RASSF4: variants seen among roughly 807,000 people sequenced by gnomAD.
RASSF4 encodes Ras association domain family member 4, also known as ras association domain-containing protein 4.
RASSF4 carries 38 observed loss-of-function variants against 41.1 expected under a neutral mutation model. That is an observed-to-expected ratio of 0.92 (90% CI 0.71 to 1.21). The LOEUF (loss-of-function observed/expected upper bound fraction) is 1.21. RASSF4 is among the 50% of genes most tolerant of loss of function. The probability of loss-of-function intolerance (pLI) is 0.00; values close to 1 mark genes in which losing one functional copy is unlikely to be tolerated. For synonymous variants in RASSF4, 179 were observed against 163.4 expected, an observed-to-expected ratio of 1.10 and a Z score of -0.73; for missense variants, 414 against 419.4, an observed-to-expected ratio of 0.99 and a Z score of 0.11.
chr10:44,978,434 C>T (rs190279562), intron 3 of RASSF4, among the ~76,000 whole-genome samples: 1 of 152,242 alleles, frequency 6.6e-6, no homozygotes, highest in East Asian at 1.9e-4. Context: ...TACCCCTGGC[C>T]GGGATGTTGT....
At position 44,973,178 on chromosome 10, in the gene RASSF4, C is replaced by T. The variant is rs540818954; in HGVS notation, c.138+1330C>T. ...TCCCTCTCCTGCCATCCCACCTCCT[C>T]ATGCTCACTTCTGTGACACCTGTCT... On this transcript the variant is annotated intron_variant, in intron 3 of 10. Transcript: ENST00000340258. Among the ~76,000 whole-genome samples, 4 of 152,334 alleles carry T rather than the reference C, an allele frequency of 2.6e-5. No homozygotes were observed. In the East Asian group the frequency reaches 5.8e-4, roughly 22 times the overall value.
intron 10 of RASSF4, 112 bp downstream of exon 10, chr10:44,992,114 T>C: frequency 3.0e-6 from 2 of 677,838 alleles, no homozygotes; most frequent in Admixed American, 5.4e-5. Context: ...ACCAGTACCC[T>C]GGTACGGGAA....
chr10:44,961,709 G>A (rs1840718083), intron 1 of RASSF4, among the ~76,000 whole-genome samples: 1 of 152,334 alleles, frequency 6.6e-6, no homozygotes, highest in South Asian at 2.1e-4. Context: ...AGTCATCGAG[G>A]ATTATAGTTA....
At chr10:44,978,177 A>G (rs1270872368) in intron 3 of RASSF4, 8 of 881,172 alleles carry the variant, frequency 9.1e-6, no homozygotes, top group Non-Finnish European at 1.4e-5. Context: ...TTTGAAGTCT[A>G]CAGAGCCCAG....
chr10:44,987,653 C>A (rs1176839792), intron 6 of RASSF4, among the ~76,000 whole-genome samples: 1 of 142,390 alleles, frequency 7.0e-6, no homozygotes, highest in Admixed American at 7.1e-5. Flanking sequence ...GCTGCACCTG[C>A]GGTTTCTGCA....
At chr10:44,962,156 C>G (rs1029302973) in intron 1 of RASSF4, among the ~76,000 whole-genome samples, 1 of 152,142 alleles carries the variant, frequency 6.6e-6, no homozygotes, top group African/African-American at 2.4e-5. Context: ...AAACTGATGC[C>G]CAAGAGACGG....
At chr10:44,987,168 G>C (rs568216615) in intron 6 of RASSF4, among the ~76,000 whole-genome samples, 1 of 152,146 alleles carries the variant, frequency 6.6e-6, no homozygotes, top group Non-Finnish European at 1.5e-5. Context: ...GCAGTGGCAC[G>C]ATCTGGGCTC....
At chr10:44,980,942 C>T (rs1403396456) in intron 3 of RASSF4, 4 of 152,216 alleles carry the variant, frequency 2.6e-5, no homozygotes, top group Admixed American at 6.5e-5. Flanking sequence ...GTATCAAAAA[C>T]AGCTCTGGTT....
At chr10:44,984,257 C>T (rs1841833244) in intron 5 of RASSF4, 144 bp downstream of exon 5, 4 of 770,318 alleles carry the variant, frequency 5.2e-6, no homozygotes, top group Non-Finnish European at 8.1e-6. Flanking sequence ...TACCCAGGTG[C>T]CTGCCTGTGA....
Position 44,985,246 on chromosome 10 carries a change from C to T in RASSF4, c.531+276C>T, listed in dbSNP as rs147307356. ...ACGCTGACCGTGTCTTCAATGAGGG[C>T]GCTTTCTAGGAGGCTTCCCCCCGAA... is the stretch of plus-strand genomic sequence containing the variant. On this transcript the variant is annotated intron_variant, in intron 6 of 10. Coordinates refer to ENST00000340258, the MANE Select transcript of RASSF4 (RefSeq NM_032023.4). 2.4e-3 allele frequency among the ~76,000 whole-genome samples: 366 copies of T among 152,302 alleles called. 1 individual carries two copies. The highest frequency in any genetic ancestry group is 8.4e-3 in the African/African-American group (351 of 41,562).
At chr10:44,979,743 C>T (rs1306952629) in intron 3 of RASSF4, among the ~76,000 whole-genome samples, 1 of 152,104 alleles carries the variant, frequency 6.6e-6, no homozygotes, top group Admixed American at 6.5e-5. Context: ...AGGAGGGGGT[C>T]AGTGGACCTT....
intron 3 of RASSF4, chr10:44,977,858 G>A (rs769711567): frequency 5.6e-6 from 9 of 1,610,110 alleles, no homozygotes; most frequent in South Asian, 1.1e-5. Flanking sequence ...GCCCTGGGCC[G>A]TGGCCTTGTC....
chr10:44,991,237 T>C (rs1219270097), intron 9 of RASSF4, 168 bp downstream of exon 9: 1 of 519,990 alleles, frequency 1.9e-6, no homozygotes. Flanking sequence ...GCCCTCCCTC[T>C]CCCATCAGTG....
chr10:44,973,792 G>C (rs1841282032), intron 3 of RASSF4, among the ~76,000 whole-genome samples: 1 of 152,236 alleles, frequency 6.6e-6, no homozygotes, highest in Admixed American at 6.5e-5. Flanking sequence ...TTTGTGGTTT[G>C]TGTGTGTTGG....
At chr10:44,966,754 G>A (rs549272836) in intron 1 of RASSF4, among the ~76,000 whole-genome samples, 2 of 152,258 alleles carry the variant, frequency 1.3e-5, no homozygotes, top group South Asian at 2.1e-4. Flanking sequence ...AAGAAACCTA[G>A]GTCGAATCCA....
intron 3 of RASSF4, among the ~76,000 whole-genome samples, chr10:44,979,186 GC>G (rs1300780058): frequency 1.3e-5 from 2 of 152,164 alleles, no homozygotes; most frequent in Non-Finnish European, 2.9e-5. Context: ...TGAAAAATCA[GC>G]AGCACAGGAC....
chr10:44,962,682 G>A (rs1295179245), intron 1 of RASSF4, among the ~76,000 whole-genome samples: 1 of 152,184 alleles, frequency 6.6e-6, no homozygotes, highest in African/African-American at 2.4e-5. Flanking sequence ...GAGCACGTTT[G>A]GCCCGAAAAC....
chr10:44,970,033 G>A lies in RASSF4; in HGVS notation c.-38-132G>A, dbSNP rs187485085. 2.7e-3 allele frequency: 1,752 copies of A among 639,754 alleles called. 8 individuals are homozygous for A. The highest frequency in any genetic ancestry group is 2.3e-3 in the Non-Finnish European group (816 of 354,734). 39.6% of individuals were successfully genotyped at this position (639,754 alleles called of 1,614,324 possible). A position where few individuals can be genotyped will look rare whatever the true frequency, so the allele number is the denominator to read the frequency against. On this transcript the variant is annotated intron_variant, in intron 1 of 10. Coordinates refer to ENST00000340258, the MANE Select transcript of RASSF4 (RefSeq NM_032023.4). ...GGGTCTGGGCCAGACCCTTTCAGCC[G>A]CAGCCACCTTGTGCCAAGGCGGTGT...
rs777173020 is a variant in RASSF4, at chr10:44,989,660, G to T, written c.634-10G>T. 5.0e-6 allele frequency: 8 copies of T among 1,614,044 alleles called. No individual in the cohort carries two copies. The Admixed American group carries it at 1.2e-4, about 24-fold the overall frequency. On this transcript the variant is annotated splice_polypyrimidine_tract_variant and intron_variant, in intron 7 of 10. Transcript: ENST00000340258. Reference sequence around the variant, plus strand: ...CACCGTGATCTGACTTCCTGTGACTGCCTGTGCAGGTGGAAGATGGCCCCA... The same window carrying T: ...CACCGTGATCTGACTTCCTGTGACTTCCTGTGCAGGTGGAAGATGGCCCCA...
Sources: gnomAD v4.1 joint callset for allele counts (sites outside exome capture counted in the v4.1 genomes callset) on GRCh38, gnomAD v4.1.1 for gene constraint, MANE v1.5 for transcripts, NCBI Gene and HGNC (gene_info 2026-07-23, HGNC 2026-07-21) for gene names.